The following CTNNA3 variants were observed in gnomAD, a reference collection of about 807,000 sequenced individuals.
The protein encoded by CTNNA3 is catenin alpha-3.
Under a neutral mutation model 95.7 loss-of-function variants are expected in CTNNA3, and 76 were observed. The observed-to-expected ratio is 0.79, with a 90% CI of 0.66 to 0.96. The LOEUF is 0.96. CTNNA3 is among the 40% of genes least tolerant of loss of function. The pLI is 0.00. For synonymous variants in CTNNA3, 431 were observed against 374.4 expected (o/e 1.15, Z -1.74); for missense variants, 1,191 against 1,089.8 (o/e 1.09, Z -1.31).
intron 10 of CTNNA3, among the ~76,000 whole-genome samples, chr10:66,602,729 T>A (rs1206867913): frequency 6.6e-6 from 1 of 151,904 alleles, no homozygotes; most frequent in Non-Finnish European, 1.5e-5. Flanking sequence ...CAATAATACA[T>A]TAAAAAGATC....
intron 10 of CTNNA3, among the ~76,000 whole-genome samples, chr10:66,597,613 G>A (rs556983840): frequency 7.1e-6 from 1 of 140,004 alleles, no homozygotes; most frequent in East Asian, 2.1e-4. Context: ...AAGAAACTCT[G>A]AACACAGAAA....
chr10:67,470,766 T>C (rs76413680), intron 5 of CTNNA3, among the ~76,000 whole-genome samples: 3,749 of 152,000 alleles, frequency 0.025, 173 homozygotes, highest in African/African-American at 0.085. Flanking sequence ...AAAAAAACTT[T>C]GGGTTAAGAT....
intron 7 of CTNNA3, among the ~76,000 whole-genome samples, chr10:67,094,207 C>T (rs1857830476): frequency 6.6e-6 from 1 of 151,802 alleles, no homozygotes; most frequent in African/African-American, 2.4e-5. Flanking sequence ...ATATCCCTCC[C>T]TTACAAATTT....
chr10:65,913,863 A>G lies in CTNNA3; in HGVS notation c.*6467T>C, dbSNP rs1414403603. 6.6e-6 allele frequency: 1 copy of G among 152,098 alleles called. No individual in the cohort carries two copies. The highest frequency in any genetic ancestry group is 1.5e-5 in the Non-Finnish European group (1 of 68,014). 9.4% of individuals were successfully genotyped at this position (152,098 alleles called of 1,614,324 possible). A position where few individuals can be genotyped will look rare whatever the true frequency, so the allele number is the denominator to read the frequency against. On this transcript the variant is annotated 3_prime_UTR_variant, in exon 18 of 18. Coordinates refer to ENST00000433211, the MANE Select transcript of CTNNA3 (RefSeq NM_013266.4). ...AGAGAGGTTCAGGTAATTTACACAG[A>G]TGGGGAACTGATGTGACATACCTAA... is the stretch of plus-strand genomic sequence containing the variant.
rs1251960336 is a variant in CTNNA3, at chr10:67,427,168, AC to A, written c.579+94673del. ...CTTTTGGGGGATGTTTAAAAGATCT[AC>A]CAATTTTGCTTCTATAAAAGGCTAA... On this transcript the variant is annotated intron_variant, in intron 5 of 17. Coordinates refer to ENST00000433211, the MANE Select transcript of CTNNA3 (RefSeq NM_013266.4). Among the ~76,000 whole-genome samples, 41 of 151,974 alleles carry A rather than the reference AC, an allele frequency of 2.7e-4. 1 individual carries two copies. The highest frequency in any genetic ancestry group is 8.9e-4 in the African/African-American group (37 of 41,382).
At chr10:66,069,573 T>C in intron 14 of CTNNA3, 84 bp from the exon 15 acceptor site, 3 of 1,032,588 alleles carry the variant, frequency 2.9e-6, no homozygotes, top group South Asian at 1.7e-5. Flanking sequence ...AGGATACTCA[T>C]AAAACTTGTT....
At chr10:65,985,247 T>C (rs988406356) in intron 16 of CTNNA3, among the ~76,000 whole-genome samples, 2 of 151,088 alleles carry the variant, frequency 1.3e-5, no homozygotes, top group Non-Finnish European at 3.0e-5. Context: ...AGAAATAATA[T>C]GAAACAGTTG....
chr10:67,563,567 A>C (rs570088491), intron 3 of CTNNA3, among the ~76,000 whole-genome samples: 32 of 152,338 alleles, frequency 2.1e-4, no homozygotes, highest in Non-Finnish European at 3.7e-4. Context: ...ATTACCATTC[A>C]GGACATAGGC....
intron 13 of CTNNA3, among the ~76,000 whole-genome samples, chr10:66,223,551 C>A (rs577582304): frequency 6.6e-6 from 1 of 152,094 alleles, no homozygotes; most frequent in Admixed American, 6.5e-5. Context: ...TTACAAGATT[C>A]GTTTCTATTT....
intron 5 of CTNNA3, among the ~76,000 whole-genome samples, chr10:67,231,440 T>G (rs1865205164): frequency 6.6e-6 from 1 of 152,064 alleles, no homozygotes; most frequent in Non-Finnish European, 1.5e-5. Context: ...GGCCGGGTAC[T>G]CCAACAGACC....
chr10:67,244,226 C>G (rs1386178655), intron 5 of CTNNA3, among the ~76,000 whole-genome samples: 1 of 152,132 alleles, frequency 6.6e-6, no homozygotes, highest in Non-Finnish European at 1.5e-5. Flanking sequence ...TTTTAAAAAA[C>G]CAGTGATGAT....
intron 5 of CTNNA3, among the ~76,000 whole-genome samples, chr10:67,438,880 G>A (rs1335701777): frequency 6.6e-6 from 1 of 152,180 alleles, no homozygotes; most frequent in Non-Finnish European, 1.5e-5. Flanking sequence ...CCTAGCCAGA[G>A]GGAAATCGCC....
intron 7 of CTNNA3, among the ~76,000 whole-genome samples, chr10:67,088,442 A>C (rs1402726999): frequency 6.6e-6 from 1 of 151,988 alleles, no homozygotes; most frequent in Non-Finnish European, 1.5e-5. Flanking sequence ...ATATATTCAA[A>C]AGTGGCCACA....
chr10:66,033,135 C>CT (rs10665142), intron 15 of CTNNA3, among the ~76,000 whole-genome samples: 57,681 of 131,280 alleles, frequency 0.44, 13,517 homozygotes, highest in Admixed American at 0.55. Context: ...TTCTTTTTTT[C>CT]TTTTTTTTTT....
chr10:67,498,864 A>G (rs1165174783), intron 5 of CTNNA3, among the ~76,000 whole-genome samples: 1 of 152,234 alleles, frequency 6.6e-6, no homozygotes, highest in Non-Finnish European at 1.5e-5. Flanking sequence ...TAAATATACA[A>G]TCATGTCATC....
intron 17 of CTNNA3, among the ~76,000 whole-genome samples, chr10:65,937,520 A>G (rs1589148372): frequency 6.6e-6 from 1 of 152,094 alleles, no homozygotes; most frequent in Admixed American, 6.5e-5. Context: ...GTTCTTTAAG[A>G]CTCAGCTTGA....
At chr10:66,996,143 T>C (rs1851323080) in intron 7 of CTNNA3, among the ~76,000 whole-genome samples, 1 of 152,192 alleles carries the variant, frequency 6.6e-6, no homozygotes, top group African/African-American at 2.4e-5. Flanking sequence ...GCTACTTCAT[T>C]GCACAAGTAG....
intron 5 of CTNNA3, among the ~76,000 whole-genome samples, chr10:67,406,882 C>T (rs986586471): frequency 1.3e-5 from 2 of 151,976 alleles, no homozygotes; most frequent in African/African-American, 4.8e-5. Context: ...AAACTGAGTC[C>T]CTGAACAGAT....
chr10:66,578,562 C>G (rs912339047), intron 10 of CTNNA3, among the ~76,000 whole-genome samples: 1 of 151,934 alleles, frequency 6.6e-6, no homozygotes, highest in Admixed American at 6.6e-5. Context: ...ATTTCTTTGC[C>G]TATTGAGATA....
Sources: allele counts gnomAD v4.1 joint callset (sites outside exome capture counted in the v4.1 genomes callset), GRCh38; gene constraint gnomAD v4.1.1; transcripts MANE v1.5; gene names NCBI Gene and HGNC (gene_info 2026-07-23, HGNC 2026-07-21).